The following MICALL1 variants were observed in gnomAD, a reference collection of about 807,000 sequenced individuals.
MICALL1 encodes MICAL-like protein 1.
A neutral mutation model predicts 83.7 loss-of-function variants in MICALL1; 61 were observed. That is an observed-to-expected ratio of 0.73 (90% CI 0.59 to 0.90). The LOEUF (loss-of-function observed/expected upper bound fraction) is 0.90, where lower values mean the gene tolerates loss of function less well. MICALL1 is among the 40% of genes least tolerant of loss of function. MICALL1 has a pLI of 0.00. For missense variants in MICALL1, 1,066 were observed against 1,152.0 expected, an observed-to-expected ratio of 0.93 and a Z score of 1.08; for synonymous variants, 481 against 473.6, an observed-to-expected ratio of 1.02 and a Z score of -0.20.
chr22:37,914,082 G>C (rs1928514557), intron 3 of MICALL1, among the ~76,000 whole-genome samples: 1 of 151,760 alleles, frequency 6.6e-6, no homozygotes, highest in Admixed American at 6.6e-5. Context: ...CGCCACTTTG[G>C]CCAGGCTGGT....
intron 1 of MICALL1, among the ~76,000 whole-genome samples, chr22:37,909,920 G>T (rs1928210230): frequency 6.6e-6 from 1 of 152,252 alleles, no homozygotes. Context: ...GGCTTCTGGG[G>T]CTGTGGGCCC....
intron 9 of MICALL1, among the ~76,000 whole-genome samples, chr22:37,928,949 C>T (rs1486727111): frequency 1.3e-5 from 2 of 152,092 alleles, no homozygotes; most frequent in Admixed American, 1.3e-4. Flanking sequence ...ATGGTGAAAC[C>T]CCATCTCTAC....
chr22:37,921,016 A>T (rs1929000662), intron 5 of MICALL1, among the ~76,000 whole-genome samples: 1 of 152,196 alleles, frequency 6.6e-6, no homozygotes, highest in African/African-American at 2.4e-5. Context: ...TGAGCCCAGG[A>T]GTTTGAGGCT....
rs1037763739 is a variant in MICALL1, at chr22:37,910,991, A to G, written c.147-961A>G. ...GCAGTCAGGGCTGCAGTTTTCAGCCATAGAAGGGCAAGGCTGCATGCGGAT... is the reference window on the plus strand; with the variant it reads ...GCAGTCAGGGCTGCAGTTTTCAGCCGTAGAAGGGCAAGGCTGCATGCGGAT... On this transcript the variant is annotated intron_variant, in intron 1 of 15. Transcript: ENST00000215957. 3.3e-5 allele frequency among the ~76,000 whole-genome samples: 5 copies of G among 152,338 alleles called. No individual in the cohort carries two copies. The East Asian group carries it at 7.7e-4, about 23-fold the overall frequency.
intron 14 of MICALL1, 87 bp from the exon 15 acceptor site, chr22:37,937,659 G>C: frequency 7.2e-7 from 1 of 1,395,970 alleles, no homozygotes; most frequent in Non-Finnish European, 1.0e-6. Context: ...CCTGACTTCA[G>C]GTGATCCACC....
intron 15 of MICALL1, among the ~76,000 whole-genome samples, chr22:37,938,620 ATTT>A (rs778980032): frequency 2.5e-5 from 3 of 118,758 alleles, no homozygotes; most frequent in African/African-American, 3.2e-5. Flanking sequence ...CACCCAGCTA[ATTT>A]TTTTTTTTTT....
At chr22:37,918,615 C>T (rs1338054292) in intron 4 of MICALL1, among the ~76,000 whole-genome samples, 1 of 152,234 alleles carries the variant, frequency 6.6e-6, no homozygotes, top group Non-Finnish European at 1.5e-5. Context: ...TAGGAGAGAA[C>T]AGAAAAGGCA....
chr22:37,933,265 A>AC (rs1301383204), intron 13 of MICALL1, among the ~76,000 whole-genome samples, 153 bp downstream of exon 13: 1 of 151,846 alleles, frequency 6.6e-6, no homozygotes, highest in African/African-American at 2.4e-5. Flanking sequence ...TGTCTGGGTC[A>AC]CCCCCAAGGA....
Position 37,940,693 on chromosome 22 carries a change from C to T in MICALL1, c.2471-16C>T, listed in dbSNP as rs767573689. On this transcript the variant is annotated splice_polypyrimidine_tract_variant and intron_variant, in intron 15 of 15. Coordinates refer to ENST00000215957, the MANE Select transcript of MICALL1 (RefSeq NM_033386.4). ...TCTTCTCCACTTTATTAAGTGCTCC[C>T]CTCTCTGTGCTGCAGAGTTCCAGAG... 50 of 1,613,254 alleles carry T rather than the reference C, an allele frequency of 3.1e-5. 2 individuals are homozygous for T. In the South Asian group the frequency reaches 5.2e-4, roughly 17 times the overall value.
rs148023633 is a variant in MICALL1, at chr22:37,920,136, A to G, written c.569+958A>G. ...TACCATGTTCTGCTTGAAGTTTTAA[A>G]AAATTACAGTAACAACTTGCTTTAA... On this transcript the variant is annotated intron_variant, in intron 5 of 15. Coordinates refer to ENST00000215957, the MANE Select transcript of MICALL1 (RefSeq NM_033386.4). Among the ~76,000 whole-genome samples the G allele has an allele frequency of 1.3e-4, 20 of 152,224 alleles. No individual in the cohort carries two copies. The East Asian group carries it at 3.9e-3, about 29-fold the overall frequency.
At chr22:37,925,122 G>A (rs532565449) in intron 7 of MICALL1, among the ~76,000 whole-genome samples, 3 of 152,312 alleles carry the variant, frequency 2.0e-5, no homozygotes, top group East Asian at 1.9e-4. Flanking sequence ...CCTGCTTCAC[G>A]TGGAGGACAT....
At position 37,906,757 on chromosome 22, in the gene MICALL1, C is replaced by T. The variant is rs1056212690; in HGVS notation, c.146+189C>T. The T allele has an allele frequency of 3.0e-5, 9 of 299,756 alleles. No individual in the cohort carries two copies. The highest frequency in any genetic ancestry group is 4.5e-5 in the African/African-American group (2 of 44,734). 18.6% of individuals were successfully genotyped at this position (299,756 alleles called of 1,614,324 possible). A position where few individuals can be genotyped will look rare whatever the true frequency, so the allele number is the denominator to read the frequency against. The stretch of plus-strand genomic sequence containing the variant: ...CCCGGCCCAGGGCGCCCCTCCCCCG[C>T]CCGGCCGCCCTGACCCCGCCCGTGG... On this transcript the variant is annotated intron_variant, in intron 1 of 15. Transcript: ENST00000215957. This position sits in a 1 kb window ranked among gnomAD's most constrained non-coding sequence, Gnocchi z 4.4.
Position 37,922,066 on chromosome 22 carries a change from G to A in MICALL1, c.664G>A (p.Gly222Ser). 1 of 1,613,424 alleles carries A rather than the reference G, an allele frequency of 6.2e-7. No individual in the cohort carries two copies. The highest frequency in any genetic ancestry group is 1.1e-5 in the South Asian group (1 of 91,078). The change falls in exon 6 of 16, where the codon GGC (glycine) becomes AGC (serine). Residue 222 changes from glycine (G) to serine (S), a missense_variant. Coordinates refer to ENST00000215957, the MANE Select transcript of MICALL1 (RefSeq NM_033386.4). ...FVCAEHCARL[G>S]PGTRSGTRPG... Reference sequence around the variant, plus strand: ...GTGTGCAGAACACTGTGCCAGGCTGGGCCCGGGGACACGGTCGGGGACCAG... The same window carrying A: ...GTGTGCAGAACACTGTGCCAGGCTGAGCCCGGGGACACGGTCGGGGACCAG...
Position 37,931,832 on chromosome 22 carries a change from C to T in MICALL1, c.1915C>T (p.Pro639Ser), listed in dbSNP as rs1352353051. 1 of 1,614,154 alleles carries T rather than the reference C, an allele frequency of 6.2e-7. No individual in the cohort carries two copies. The highest frequency in any genetic ancestry group is 8.5e-7 in the Non-Finnish European group (1 of 1,180,024). ...SCKENPFNRK[P>S]SPAASPATKK... ...CAAGGAGAATCCTTTTAACCGGAAG[C>T]CATCACCTGCAGCGTCCCCAGCCAC... is the stretch of plus-strand genomic sequence containing the variant. The change falls in exon 10 of 16, where the codon CCA becomes TCA. Residue 639 changes from proline to serine, a missense_variant. Physicochemically the swap from Pro to Ser is moderately conservative, Grantham distance 74 (BLOSUM62 -1). Coordinates refer to ENST00000215957, the MANE Select transcript of MICALL1 (RefSeq NM_033386.4).
intron 13 of MICALL1, among the ~76,000 whole-genome samples, chr22:37,935,211 C>T (rs571525532): frequency 4.0e-5 from 6 of 151,564 alleles, no homozygotes; most frequent in African/African-American, 9.7e-5. Flanking sequence ...GGATTACAGG[C>T]GTGAGCCACC....
chr22:37,932,895 C>G lies in MICALL1; in HGVS notation c.2234+7C>G, dbSNP rs773104799. On this transcript the variant is annotated splice_region_variant and intron_variant, in intron 12 of 15. Coordinates refer to ENST00000215957, the MANE Select transcript of MICALL1 (RefSeq NM_033386.4). The surrounding 1 kb of genome is among the most constrained non-coding windows in gnomAD (Gnocchi z 4.4). The stretch of plus-strand genomic sequence containing the variant: ...AGTCCGAGCTCATCTATGTGTGAGT[C>G]CCCCCGCCTGGGGCATCCCTCCCTG... 26 of 1,613,740 alleles carry G rather than the reference C, an allele frequency of 1.6e-5. No homozygotes were observed. The highest frequency in any genetic ancestry group is 1.6e-4 in the Middle Eastern group (1 of 6,082).
chr22:37,924,680 G>A lies in MICALL1; in HGVS notation c.1045G>A (p.Val349Ile). ...LVNGRLHELP[V>I]PKPRGTPKPS... ...TCTAGGGAGACTGCACGAACTGCCT[G>A]TCCCCAAGCCGAGGGGGACACCGAA... Residue 349 changes from valine to isoleucine, a missense_variant, in exon 7 of 16, where the codon GTC (valine) becomes ATC (isoleucine). Coordinates refer to ENST00000215957, the MANE Select transcript of MICALL1 (RefSeq NM_033386.4). This position sits in a 1 kb window ranked among gnomAD's most constrained non-coding sequence, Gnocchi z 5.2. 2 of 1,612,328 alleles carry A rather than the reference G, an allele frequency of 1.2e-6. No homozygotes were observed. The highest frequency in any genetic ancestry group is 1.7e-6 in the Non-Finnish European group (2 of 1,179,088).
At position 37,922,203 on chromosome 22, in the gene MICALL1, C is replaced by A; in HGVS notation, c.801C>A (p.Ala267=). Residue 267 remains alanine, a synonymous_variant, in exon 6 of 16, where the codon GCC becomes GCA. Coordinates refer to ENST00000215957, the MANE Select transcript of MICALL1 (RefSeq NM_033386.4). ...CCAGTGCTCCTGCAGGGGCTGAGGCCGATGGACCCAAGGCCAGCCCTGAGG... is the reference window on the plus strand; with the variant it reads ...CCAGTGCTCCTGCAGGGGCTGAGGCAGATGGACCCAAGGCCAGCCCTGAGG... ...PSSSAPAGAE[A]DGPKASPEAR... The A allele has an allele frequency of 6.2e-7, 1 of 1,611,844 alleles. No individual in the cohort carries two copies. Among genetic ancestry groups the A allele is most frequent in the South Asian group, 1.1e-5 (1 of 90,980 alleles).
intron 13 of MICALL1, among the ~76,000 whole-genome samples, chr22:37,935,710 G>T (rs1382801080): frequency 6.9e-6 from 1 of 145,870 alleles, no homozygotes; most frequent in Non-Finnish European, 1.5e-5. Context: ...CCACCACCAC[G>T]CTTGGCTAAG....
Sources: allele counts gnomAD v4.1 joint callset (sites outside exome capture counted in the v4.1 genomes callset), GRCh38; gene constraint gnomAD v4.1.1; non-coding constraint Gnocchi (gnomAD v3.1); transcripts MANE v1.5; gene names NCBI Gene and HGNC (gene_info 2026-07-23, HGNC 2026-07-21).